The following SHISA6 variants were observed in gnomAD, a reference collection of about 807,000 sequenced individuals.
The protein encoded by SHISA6 is protein shisa-6.
SHISA6 carries 22 observed loss-of-function variants against 47.9 expected under a neutral mutation model. That is an observed-to-expected ratio of 0.46 (90% CI 0.33 to 0.66). SHISA6 has a LOEUF of 0.66. Among genes scored for constraint, SHISA6 ranks in the 30% least tolerant of loss-of-function variants. SHISA6 has a pLI of 0.02. For synonymous variants in SHISA6, 388 were observed against 337.8 expected (o/e 1.15, Z -1.63); for missense variants, 680 against 764.6 (o/e 0.89, Z 1.30).
At chr17:11,290,413 C>T (rs1350434446) in intron 2 of SHISA6, 3 of 148,616 alleles carry the variant, frequency 2.0e-5, no homozygotes, top group African/African-American at 7.5e-5. Flanking sequence ...TGCAGTGGCG[C>T]AATCTCGGCT....
chr17:11,392,299 A>G (rs1275922486), intron 3 of SHISA6, among the ~76,000 whole-genome samples: 1 of 152,116 alleles, frequency 6.6e-6, no homozygotes, highest in African/African-American at 2.4e-5. Flanking sequence ...TGGCATAGTC[A>G]TTAGCTGCTG....
rs1285703362 is a variant in SHISA6, at chr17:11,552,043, G to A, written c.952+91G>A. The A allele has an allele frequency of 3.8e-6, 5 of 1,322,980 alleles. No individual in the cohort carries two copies. The South Asian group carries it at 3.8e-5, about 10-fold the overall frequency. The allele number at this position is 1,322,980 out of a possible 1,614,324, so 82.0% of individuals were successfully genotyped here. A position where few individuals can be genotyped will look rare whatever the true frequency, so the allele number is the denominator to read the frequency against. ...ATGCCTATCAGGGCATCAAACACACGGTCATAAACTCACTGAAGCTAAGGA... is the reference window on the plus strand; with the variant it reads ...ATGCCTATCAGGGCATCAAACACACAGTCATAAACTCACTGAAGCTAAGGA... On this transcript the variant is annotated intron_variant, in intron 4 of 5. Transcript: ENST00000441885.
At chr17:11,304,988 A>G (rs762180443) in intron 2 of SHISA6, among the ~76,000 whole-genome samples, 5 of 152,156 alleles carry the variant, frequency 3.3e-5, no homozygotes, top group Admixed American at 6.5e-5. Context: ...TCCGATTTTT[A>G]TGTGGTTCAA....
chr17:11,503,951 G>A (rs1371720967), intron 3 of SHISA6, among the ~76,000 whole-genome samples: 5 of 152,140 alleles, frequency 3.3e-5, no homozygotes. Flanking sequence ...ATTTAACCTT[G>A]TACCAATGTT....
At chr17:11,280,483 C>G (rs1909081438) in intron 2 of SHISA6, among the ~76,000 whole-genome samples, 1 of 152,158 alleles carries the variant, frequency 6.6e-6, no homozygotes, top group Non-Finnish European at 1.5e-5. Context: ...AGCATGAATT[C>G]AGGAGTACAG....
At chr17:11,420,950 G>A (rs1460262307) in intron 3 of SHISA6, among the ~76,000 whole-genome samples, 1 of 152,146 alleles carries the variant, frequency 6.6e-6, no homozygotes, top group Non-Finnish European at 1.5e-5. Context: ...GAAAAGAAAG[G>A]GTACTCAGAT....
intron 3 of SHISA6, among the ~76,000 whole-genome samples, chr17:11,528,267 C>T (rs1433246236): frequency 6.6e-6 from 1 of 151,946 alleles, no homozygotes; most frequent in Admixed American, 6.6e-5. Context: ...TTCTAAGGTG[C>T]ATAATAAAAG....
chr17:11,444,595 AAAC>A (rs1297723471), intron 3 of SHISA6, among the ~76,000 whole-genome samples: 1 of 152,190 alleles, frequency 6.6e-6, no homozygotes, highest in Non-Finnish European at 1.5e-5. Flanking sequence ...ACAAAAATGA[AAAC>A]AACAACAATA....
At chr17:11,354,074 C>G (rs1911994483) in intron 2 of SHISA6, among the ~76,000 whole-genome samples, 1 of 152,138 alleles carries the variant, frequency 6.6e-6, no homozygotes, top group African/African-American at 2.4e-5. Flanking sequence ...GACCTCCACC[C>G]AGGGCATCAT....
chr17:11,402,856 T>C (rs937957754), intron 3 of SHISA6, among the ~76,000 whole-genome samples: 11 of 152,102 alleles, frequency 7.2e-5, no homozygotes. Context: ...GACCAGAAGA[T>C]GCCAAAAGGT....
intron 5 of SHISA6, among the ~76,000 whole-genome samples, chr17:11,556,576 T>G (rs566485411): frequency 6.6e-6 from 1 of 152,134 alleles, no homozygotes; most frequent in East Asian, 1.9e-4. Context: ...CCAACTGCAG[T>G]TGGAGCCTCA....
At chr17:11,484,402 TTTG>T (rs926236348) in intron 3 of SHISA6, among the ~76,000 whole-genome samples, 3 of 151,962 alleles carry the variant, frequency 2.0e-5, no homozygotes, top group South Asian at 4.2e-4. Context: ...AAAAAGGGTT[TTTG>T]TTGTTGTTGT....
At chr17:11,341,765 C>A (rs1317908002) in intron 2 of SHISA6, among the ~76,000 whole-genome samples, 1 of 152,174 alleles carries the variant, frequency 6.6e-6, no homozygotes, top group Non-Finnish European at 1.5e-5. Context: ...ACCCTGCCAA[C>A]ACCAAGCTCA....
chr17:11,464,586 C>T (rs1915765380), intron 3 of SHISA6, among the ~76,000 whole-genome samples: 1 of 152,200 alleles, frequency 6.6e-6, no homozygotes, highest in Admixed American at 6.5e-5. Flanking sequence ...GCCAAGCAAG[C>T]TCAGAGTTCC....
rs1907380098 is a variant in SHISA6 at position 11,242,017 on chromosome 17, T to A, written c.595T>A (p.Tyr199Asn). 6.4e-7 allele frequency: 1 copy of A among 1,550,894 alleles called. No individual in the cohort carries two copies. Among genetic ancestry groups the A allele is most frequent in the African/African-American group, 1.4e-5 (1 of 73,042 alleles). ...GGCCGGCGTCTTCGCCAAGGTCTCC[T>A]ACGACAAGGCCCACCGCCCTCCACG... ...IVAGVFAKVSYDKAHRPPREM... is the reference protein window; with the variant it reads ...IVAGVFAKVSNDKAHRPPREM... Residue 199 changes from tyrosine (Y) to asparagine (N), a missense_variant, in exon 1 of 6, where the codon TAC becomes AAC. Tyr to Asn is a moderately radical substitution (Grantham distance 143, BLOSUM62 -2). Coordinates refer to ENST00000441885, the MANE Select transcript of SHISA6 (RefSeq NM_207386.4).
intron 3 of SHISA6, among the ~76,000 whole-genome samples, chr17:11,389,440 G>A (rs2142254359): frequency 6.6e-6 from 1 of 152,318 alleles, no homozygotes; most frequent in Middle Eastern, 3.4e-3. Context: ...CCCCCGGTAG[G>A]GAGCAAGAGA....
intron 2 of SHISA6, among the ~76,000 whole-genome samples, chr17:11,363,778 G>A (rs754804684): frequency 3.9e-5 from 6 of 152,154 alleles, no homozygotes; most frequent in African/African-American, 9.7e-5. Flanking sequence ...TGCTATTGCC[G>A]TGACAACACC....
chr17:11,555,386 T>G (rs1378883321), intron 4 of SHISA6, among the ~76,000 whole-genome samples: 1 of 152,130 alleles, frequency 6.6e-6, no homozygotes, highest in African/African-American at 2.4e-5. Context: ...GGACAGCACT[T>G]TCACACAGAA....
chr17:11,450,379 G>A (rs985529722), intron 3 of SHISA6, among the ~76,000 whole-genome samples: 13 of 152,068 alleles, frequency 8.5e-5, no homozygotes, highest in African/African-American at 2.9e-4. Context: ...ATCCAAGGTC[G>A]GGCGCAGTGG....
Sources: gnomAD v4.1 joint callset for allele counts (sites outside exome capture counted in the v4.1 genomes callset) on GRCh38, gnomAD v4.1.1 for gene constraint, MANE v1.5 for transcripts, NCBI Gene and HGNC (gene_info 2026-07-23, HGNC 2026-07-21) for gene names.